The following SEMA4D variants were observed in gnomAD, a reference collection of about 807,000 sequenced individuals.
SEMA4D encodes the protein semaphorin 4D, also known as semaphorin-4D.
Under a neutral mutation model 74.8 loss-of-function variants are expected in SEMA4D, and 22 were observed. The ratio of observed to expected loss-of-function variants is 0.29; its 90% CI spans 0.21 to 0.42. The LOEUF (loss-of-function observed/expected upper bound fraction) is 0.42, where lower values mean the gene tolerates loss of function less well. Ranked by LOEUF, SEMA4D falls within the 10% of genes least tolerant of loss-of-function variation. The pLI is 1.00. For synonymous variants in SEMA4D, 445 were observed against 463.7 expected, an observed-to-expected ratio of 0.96 and a Z score of 0.52; for missense variants, 937 against 1,118.4, an observed-to-expected ratio of 0.84 and a Z score of 2.31.
At chr9:89,409,497 T>G (rs1844054744) in intron 2 of SEMA4D, among the ~76,000 whole-genome samples, 1 of 152,210 alleles carries the variant, frequency 6.6e-6, no homozygotes, top group African/African-American at 2.4e-5. Flanking sequence ...GCTGTGCATG[T>G]GTGGGGAAGG....
chr9:89,364,194 C>T (rs1833215755), intron 16 of SEMA4D: 1 of 682,370 alleles, frequency 1.5e-6, no homozygotes, highest in Non-Finnish European at 2.4e-6. Context: ...TCAAAGCACA[C>T]CTGTGTGGCC....
intron 1 of SEMA4D, among the ~76,000 whole-genome samples, chr9:89,489,443 C>T (rs1181524466): frequency 6.6e-6 from 1 of 152,144 alleles, no homozygotes; most frequent in Non-Finnish European, 1.5e-5. Flanking sequence ...TAACCATCAC[C>T]CCTATCTAGT....
rs147463678 is a variant in SEMA4D at position 89,479,829 on chromosome 9, G to A, written c.-310+18090C>T. Reference sequence around the variant, plus strand: ...AAAGCAGCGTGGACCCAAAGAGCTAGCAGTAGCAAGAGCGAAAGAACAAAG... The same window carrying A: ...AAAGCAGCGTGGACCCAAAGAGCTAACAGTAGCAAGAGCGAAAGAACAAAG... On this transcript the variant is annotated intron_variant, in intron 1 of 15. Transcript: ENST00000422704. 645 of 155,718 alleles carry A rather than the reference G, an allele frequency of 4.1e-3. 9 individuals are homozygous for A. The highest frequency in any genetic ancestry group is 0.019 in the East Asian group (100 of 5,246). The allele number at this position is 155,718 out of a possible 1,614,324, so 9.6% of individuals were successfully genotyped here.
rs146792453 is a variant in SEMA4D at position 89,467,962 on chromosome 9, G to C, written c.-309-12009C>G. Among the ~76,000 whole-genome samples, 382 of 152,348 alleles carry C rather than the reference G, an allele frequency of 2.5e-3. 2 individuals carry two copies. The highest frequency in any genetic ancestry group is 8.4e-3 in the African/African-American group (350 of 41,566). ...CAAGGGCTCTCCCAGGGCTGGAGGT[G>C]CTTAGCCAGCTGTTTATGCATACGT... On this transcript the variant is annotated intron_variant, in intron 1 of 15. Transcript: ENST00000422704.
chr9:89,390,215 A>G (rs1459018920), intron 9 of SEMA4D, among the ~76,000 whole-genome samples: 11 of 152,166 alleles, frequency 7.2e-5, no homozygotes, highest in Non-Finnish European at 2.9e-5. Flanking sequence ...TGCTGCTCTG[A>G]CAGCATTCTG....
chr9:89,396,779 G>A lies in SEMA4D; in HGVS notation c.372C>T (p.Tyr124=), dbSNP rs372948016. The change falls in exon 6 of 16, where the codon TAC becomes TAT. Residue 124 remains tyrosine (Y), a synonymous_variant. Transcript: ENST00000422704. ...VLQPLSATSL[Y]VCGTNAFQPA... is the part of the protein sequence containing the mutation. ...GCTGGAATGCGTTGGTCCCACACAC[G>A]TAAAGGGAAGTGGCGCTGAGTGGCT... 3.1e-6 allele frequency: 5 copies of A among 1,614,000 alleles called. No homozygotes were observed. The highest frequency in any genetic ancestry group is 3.4e-6 in the Non-Finnish European group (4 of 1,179,930).
At position 89,379,223 on chromosome 9, in the gene SEMA4D, G is replaced by A. The variant is rs897629887; in HGVS notation, c.2070C>T (p.Thr690=). 2 of 1,613,942 alleles carry A rather than the reference G, an allele frequency of 1.2e-6. No homozygotes were observed. Among genetic ancestry groups the A allele is most frequent in the African/African-American group, 1.3e-5 (1 of 74,932 alleles). Residue 690 remains threonine, a synonymous_variant, in exon 16 of 16, where the codon ACC becomes ACT. Transcript: ENST00000422704. ...SSPPTPAVQA[T]SSGAITLPPK... ...GAGGAAGGGTGATGGCCCCGGAGGAGGTGGCCTGCACGGCTGGGGTTGGGG... is the reference window on the plus strand; with the variant it reads ...GAGGAAGGGTGATGGCCCCGGAGGAAGTGGCCTGCACGGCTGGGGTTGGGG...
chr9:89,413,646 C>T (rs1223048899), intron 2 of SEMA4D, among the ~76,000 whole-genome samples: 1 of 152,166 alleles, frequency 6.6e-6, no homozygotes. Context: ...CATATGTACA[C>T]CTGTGTGAGT....
In SEMA4D at chr9:89,405,331, C is replaced by T. The variant is rs573575266; in HGVS notation, c.106+20G>A. The T allele has an allele frequency of 3.7e-6, 6 of 1,607,572 alleles. No homozygotes were observed. The highest frequency in any genetic ancestry group is 5.1e-6 in the Non-Finnish European group (6 of 1,174,100). ...TCCCCATCCCAGGCCATCAGCACCC[C>T]TGCAGGTTTCGTCACTCACCTCTGT... On this transcript the variant is annotated intron_variant, in intron 3 of 15. Transcript: ENST00000422704.
downstream of SEMA4D, among the ~76,000 whole-genome samples, chr9:89,376,115 C>G (rs1252120110): frequency 6.6e-6 from 1 of 152,232 alleles, no homozygotes; most frequent in African/African-American, 2.4e-5. Context: ...GGGGATTATG[C>G]CCGCCAATCT....
chr9:89,435,224 T>G (rs1850141474), intron 2 of SEMA4D, among the ~76,000 whole-genome samples: 1 of 152,192 alleles, frequency 6.6e-6, no homozygotes, highest in Admixed American at 6.5e-5. Flanking sequence ...TTAAGAATGC[T>G]GGTTGAGTAA....
exon 19 of SEMA4D, chr9:89,360,994 A>G (rs952995598): frequency 6.6e-6 from 1 of 152,246 alleles, no homozygotes; most frequent in Non-Finnish European, 1.5e-5. Context: ...CCTAAAGCCC[A>G]TAGCATTTCA....
intron 2 of SEMA4D, among the ~76,000 whole-genome samples, chr9:89,446,701 G>C (rs1362382837): frequency 6.6e-6 from 1 of 152,132 alleles, no homozygotes; most frequent in East Asian, 1.9e-4. Context: ...GACCCTGGTG[G>C]CCACACCTTC....
chr9:89,430,297 C>T (rs968058772), intron 2 of SEMA4D, among the ~76,000 whole-genome samples: 8 of 152,312 alleles, frequency 5.3e-5, no homozygotes, highest in African/African-American at 1.7e-4. Context: ...ACCCTCCAGA[C>T]AGCTCCCCAA....
chr9:89,384,626 A>G (rs904060987), intron 13 of SEMA4D: 3 of 980,062 alleles, frequency 3.1e-6, no homozygotes, highest in South Asian at 4.7e-5. Flanking sequence ...AAAATGGTTA[A>G]GACGGCAAAT....
intron 11 of SEMA4D, among the ~76,000 whole-genome samples, chr9:89,388,152 G>T (rs535475846): frequency 6.6e-6 from 1 of 152,298 alleles, no homozygotes; most frequent in East Asian, 1.9e-4. Context: ...AACTCTGAGG[G>T]CCAGGACACC....
intron 2 of SEMA4D, among the ~76,000 whole-genome samples, chr9:89,434,186 C>T (rs765663950): frequency 1.3e-5 from 2 of 152,166 alleles, no homozygotes; most frequent in Admixed American, 6.5e-5. Flanking sequence ...CCCAGTCACC[C>T]GCTGCCAGCC....
intron 1 of SEMA4D, among the ~76,000 whole-genome samples, chr9:89,456,844 C>A (rs1856056022): frequency 6.6e-6 from 1 of 152,170 alleles, no homozygotes; most frequent in South Asian, 2.1e-4. Context: ...CCCGCCTTGG[C>A]CCTAAGTGCT....
Position 89,387,397 on chromosome 9 carries a change from AACATG to A in SEMA4D, c.1314_1318del (p.Met439CysfsTer31). ...CCCTCGGAACCCACCTGTGCTGACA[AACATG>A]ACATCATAGACAGTCCCATCCAGGG... On this transcript the variant is annotated frameshift_variant, in exon 12 of 16. Transcript: ENST00000422704. LOFTEE classifies it high-confidence loss of function. 6.2e-7 allele frequency: 1 copy of A among 1,609,980 alleles called. No homozygotes were observed. Among genetic ancestry groups the A allele is most frequent in the Non-Finnish European group, 8.5e-7 (1 of 1,176,398 alleles).
Sources: allele counts gnomAD v4.1 joint callset (sites outside exome capture counted in the v4.1 genomes callset), GRCh38; gene constraint gnomAD v4.1.1; transcripts MANE v1.5; gene names NCBI Gene and HGNC (gene_info 2026-07-23, HGNC 2026-07-21).